Variants in GALNT17 observed in about 807,000 individuals in gnomAD.
The protein encoded by GALNT17 is polypeptide N-acetylgalactosaminyltransferase 17.
Under a neutral mutation model 63.7 loss-of-function variants are expected in GALNT17, and 29 were observed. The ratio of observed to expected loss-of-function variants is 0.46; its 90% CI spans 0.34 to 0.62. The LOEUF (loss-of-function observed/expected upper bound fraction) is 0.62, where lower values mean the gene tolerates loss of function less well. GALNT17 is among the 20% of genes least tolerant of loss of function. The pLI is 0.01. For synonymous variants in GALNT17, 305 were observed against 318.3 expected (o/e 0.96, Z 0.45); for missense variants, 603 against 799.6 (o/e 0.75, Z 2.97).
At chr7:71,654,172 C>T (rs1348649101) in intron 6 of GALNT17, among the ~76,000 whole-genome samples, 7 of 152,146 alleles carry the variant, frequency 4.6e-5, no homozygotes, top group African/African-American at 9.7e-5. Flanking sequence ...CCTGCCACCA[C>T]GCCCAGCTAA....
chr7:71,494,894 G>A (rs1340678187), intron 5 of GALNT17, among the ~76,000 whole-genome samples: 4 of 152,134 alleles, frequency 2.6e-5, no homozygotes, highest in East Asian at 1.9e-4. Flanking sequence ...CCATCAGATC[G>A]CGTGAGACTT....
At chr7:71,359,400 A>G (rs933268499) in intron 2 of GALNT17, among the ~76,000 whole-genome samples, 3 of 152,044 alleles carry the variant, frequency 2.0e-5, no homozygotes, top group Non-Finnish European at 4.4e-5. Context: ...ATTAGCTCCC[A>G]GGGAACTCTC....
intron 2 of GALNT17, among the ~76,000 whole-genome samples, chr7:71,362,774 C>T (rs1055360850): frequency 6.6e-6 from 1 of 152,120 alleles, no homozygotes; most frequent in African/African-American, 2.4e-5. Context: ...GAAAGCCTTC[C>T]CCGTGAGTCG....
chr7:71,624,632 T>C (rs574277388), intron 6 of GALNT17, among the ~76,000 whole-genome samples: 1 of 152,200 alleles, frequency 6.6e-6, no homozygotes, highest in Non-Finnish European at 1.5e-5. Flanking sequence ...CCAAAGAGCT[T>C]TTGTTTATGG....
At chr7:71,176,934 G>C (rs1788649707) in intron 1 of GALNT17, among the ~76,000 whole-genome samples, 1 of 152,178 alleles carries the variant, frequency 6.6e-6, no homozygotes. Context: ...CTGCCCTAAA[G>C]AGCTTTGTCT....
intron 6 of GALNT17, among the ~76,000 whole-genome samples, chr7:71,576,695 A>G (rs531035633): frequency 6.6e-6 from 1 of 152,176 alleles, no homozygotes; most frequent in Non-Finnish European, 1.5e-5. Context: ...CTTAGCCTCC[A>G]GAGTAGCTGG....
chr7:71,639,890 C>G (rs1280185324), intron 6 of GALNT17, among the ~76,000 whole-genome samples: 1 of 152,026 alleles, frequency 6.6e-6, no homozygotes, highest in Non-Finnish European at 1.5e-5. Context: ...TGGTTGATTG[C>G]GGGAAGATCG....
chr7:71,176,891 T>C (rs939211067), intron 1 of GALNT17, among the ~76,000 whole-genome samples: 3 of 152,192 alleles, frequency 2.0e-5, no homozygotes, highest in African/African-American at 7.2e-5. Flanking sequence ...TGCTGGAACC[T>C]AAAAGAATTT....
intron 6 of GALNT17, among the ~76,000 whole-genome samples, chr7:71,632,389 G>T (rs368899590): frequency 2.3e-4 from 35 of 152,300 alleles, no homozygotes; most frequent in Admixed American, 2.0e-3. Flanking sequence ...CGGTGTTGGG[G>T]TTCGAATATT....
intron 1 of GALNT17, among the ~76,000 whole-genome samples, chr7:71,160,525 C>A (rs1788322841): frequency 6.6e-6 from 1 of 152,138 alleles, no homozygotes; most frequent in Admixed American, 6.5e-5. Flanking sequence ...ATGGCACGAT[C>A]TCAGCTCACA....
intron 5 of GALNT17, among the ~76,000 whole-genome samples, chr7:71,458,902 C>T (rs956772432): frequency 5.9e-5 from 9 of 151,948 alleles, no homozygotes; most frequent in African/African-American, 7.3e-5. Context: ...GGGGGCGTGG[C>T]GGGCCAAAAG....
rs112133210 is a variant in GALNT17 at position 71,175,432 on chromosome 7, A to T, written c.238+42392A>T. On this transcript the variant is annotated intron_variant, in intron 1 of 10. Transcript: ENST00000333538. ...TCTATCTGTATCATCTATCTATCTT[A>T]TCTATCTATCATCTATCTGTCTGTC... 2.5e-3 allele frequency among the ~76,000 whole-genome samples: 384 copies of T among 152,254 alleles called. 1 individual carries two copies. The highest frequency in any genetic ancestry group is 8.5e-3 in the African/African-American group (355 of 41,556).
intron 1 of GALNT17, among the ~76,000 whole-genome samples, chr7:71,306,608 C>T (rs958219667): frequency 2.0e-4 from 31 of 152,184 alleles, no homozygotes; most frequent in African/African-American, 7.5e-4. Flanking sequence ...TGTATGTTTA[C>T]ATCTTAGGCT....
chr7:71,403,486 C>T (rs58340125), intron 3 of GALNT17, among the ~76,000 whole-genome samples: 1 of 152,204 alleles, frequency 6.6e-6, no homozygotes, highest in Non-Finnish European at 1.5e-5. Flanking sequence ...ATAGTCTCCG[C>T]TAGCTAGAAG....
intron 3 of GALNT17, among the ~76,000 whole-genome samples, chr7:71,399,826 G>A (rs1381440519): frequency 2.0e-5 from 3 of 151,852 alleles, no homozygotes; most frequent in Non-Finnish European, 4.4e-5. Context: ...TCTGGTGCAG[G>A]GGAAATGGCA....
At chr7:71,612,734 G>A (rs1790143542) in intron 6 of GALNT17, among the ~76,000 whole-genome samples, 1 of 152,160 alleles carries the variant, frequency 6.6e-6, no homozygotes, top group Non-Finnish European at 1.5e-5. Flanking sequence ...CTGTCATGTT[G>A]ATGGAAAACA....
At chr7:71,530,227 T>C (rs796085638) in intron 5 of GALNT17, among the ~76,000 whole-genome samples, 18 of 152,296 alleles carry the variant, frequency 1.2e-4, no homozygotes, top group African/African-American at 4.3e-4. Context: ...GTATCTGGAT[T>C]GACTGAGGTT....
intron 2 of GALNT17, among the ~76,000 whole-genome samples, chr7:71,377,225 A>C (rs1792760073): frequency 6.7e-6 from 1 of 149,910 alleles, no homozygotes. Flanking sequence ...ATATCAGGCC[A>C]AGGAAAGCTG....
intron 5 of GALNT17, among the ~76,000 whole-genome samples, chr7:71,498,421 T>C (rs1398452245): frequency 3.3e-5 from 5 of 151,984 alleles, no homozygotes; most frequent in Admixed American, 3.3e-4. Flanking sequence ...TGCAGTGAGC[T>C]GAGATCATAC....
Sources: gnomAD v4.1 joint callset for allele counts (sites outside exome capture counted in the v4.1 genomes callset) on GRCh38, gnomAD v4.1.1 for gene constraint, MANE v1.5 for transcripts, NCBI Gene and HGNC (gene_info 2026-07-23, HGNC 2026-07-21) for gene names.